The following EFNA5 variants were observed in gnomAD, a reference collection of about 807,000 sequenced individuals.
EFNA5 encodes the protein ephrin A5.
Under a neutral mutation model 22.9 loss-of-function variants are expected in EFNA5, and 5 were observed. That is an observed-to-expected ratio of 0.22 (90% CI 0.11 to 0.46). The LOEUF is 0.46. Among genes scored for constraint, EFNA5 ranks in the 20% least tolerant of loss-of-function variants. The pLI is 0.99. For missense variants in EFNA5, 237 were observed against 293.3 expected (o/e 0.81, Z 1.40); for synonymous variants, 113 against 112.2 (o/e 1.01, Z -0.04).
At chr5:107,505,240 A>G (rs911207931) in intron 1 of EFNA5, among the ~76,000 whole-genome samples, 3 of 152,204 alleles carry the variant, frequency 2.0e-5, no homozygotes, top group African/African-American at 4.8e-5. Flanking sequence ...TCATTATATG[A>G]ATGGCAATTT....
At position 107,495,252 on chromosome 5, in the gene EFNA5, A is replaced by T. The variant is rs529374901; in HGVS notation, c.126-67743T>A. On this transcript the variant is annotated intron_variant, in intron 1 of 4. Transcript: ENST00000333274. ...GATCTGCGGCTCCACTCCTGAAGTC[A>T]GCGGGACCAGGAGCCCACCGGGAGG... 4.3e-4 allele frequency among the ~76,000 whole-genome samples: 65 copies of T among 152,224 alleles called. 1 individual carries two copies. In the South Asian group the frequency reaches 6.4e-3, roughly 15 times the overall value.
At chr5:107,472,067 G>A (rs1197616076) in intron 1 of EFNA5, among the ~76,000 whole-genome samples, 1 of 152,124 alleles carries the variant, frequency 6.6e-6, no homozygotes, top group Non-Finnish European at 1.5e-5. Context: ...GAAAACACAT[G>A]CACAAAGCCA....
chr5:107,515,441 C>CA (rs1359156246), intron 1 of EFNA5, among the ~76,000 whole-genome samples: 2 of 149,380 alleles, frequency 1.3e-5, no homozygotes, highest in Non-Finnish European at 3.0e-5. Flanking sequence ...TGCAGTGGCA[C>CA]AATCTCGGCT....
chr5:107,498,640 C>T (rs1363554818), intron 1 of EFNA5, among the ~76,000 whole-genome samples: 1 of 152,130 alleles, frequency 6.6e-6, no homozygotes, highest in African/African-American at 2.4e-5. Flanking sequence ...AGATAAAATT[C>T]AGAATTTTGA....
At chr5:107,634,857 G>A (rs2043797206) in intron 1 of EFNA5, among the ~76,000 whole-genome samples, 1 of 152,132 alleles carries the variant, frequency 6.6e-6, no homozygotes, top group South Asian at 2.1e-4. Context: ...ATATACAAGA[G>A]TGAAAGGGAA....
chr5:107,623,377 A>C (rs2112530452), intron 1 of EFNA5, among the ~76,000 whole-genome samples: 1 of 152,306 alleles, frequency 6.6e-6, no homozygotes, highest in South Asian at 2.1e-4. Context: ...ATATATGAGA[A>C]GAAGCACCAA....
At chr5:107,411,575 T>G (rs1252404107) in intron 2 of EFNA5, among the ~76,000 whole-genome samples, 1 of 152,228 alleles carries the variant, frequency 6.6e-6, no homozygotes, top group African/African-American at 2.4e-5. Flanking sequence ...TCCCCACCAC[T>G]GTCTTGGTTC....
chr5:107,592,033 TATTATATATATTATAC>T lies in EFNA5; in HGVS notation c.125+78440_125+78455del, dbSNP rs1488737407. On this transcript the variant is annotated intron_variant, in intron 1 of 4. Coordinates refer to ENST00000333274, the MANE Select transcript of EFNA5 (RefSeq NM_001962.3). Reference sequence around the variant, plus strand: ...TATATATAATATAATATATATTATATATTATATATATTATACATTAAACATATATTTATAATAATAA... The same window carrying T: ...TATATATAATATAATATATATTATATATTAAACATATATTTATAATAATAA... Among the ~76,000 whole-genome samples, 8 of 92,956 alleles carry T rather than the reference TATTATATATATTATAC, an allele frequency of 8.6e-5. 1 individual carries two copies. Among genetic ancestry groups the T allele is most frequent in the African/African-American group, 3.9e-4 (8 of 20,568 alleles). 61.0% of individuals were successfully genotyped at this position (92,956 alleles called of 152,430 possible).
rs1645027 is a variant in EFNA5, at chr5:107,558,511, G to A, written c.125+111978C>T. The stretch of plus-strand genomic sequence containing the variant: ...TATATTTCTCTTCCAAAACTTCTAT[G>A]AGAGTCAATATAATTCCTATTATAC... On this transcript the variant is annotated intron_variant, in intron 1 of 4. Transcript: ENST00000333274. 7.0e-3 allele frequency among the ~76,000 whole-genome samples: 1,069 copies of A among 152,230 alleles called. 9 individuals carry two copies. The highest frequency in any genetic ancestry group is 0.025 in the African/African-American group (1,032 of 41,530).
intron 1 of EFNA5, among the ~76,000 whole-genome samples, chr5:107,477,847 T>C (rs371868006): frequency 1.3e-5 from 2 of 152,300 alleles, no homozygotes; most frequent in Admixed American, 6.5e-5. Context: ...TGCAAATCAA[T>C]ATACCCTAAA....
chr5:107,423,358 T>A (rs181249263), intron 2 of EFNA5, among the ~76,000 whole-genome samples: 1,994 of 151,756 alleles, frequency 0.013, 25 homozygotes, highest in Non-Finnish European at 0.019. Context: ...ATTAGGTTAA[T>A]ATTTAAGAGT....
chr5:107,634,897 T>C (rs966122025), intron 1 of EFNA5, among the ~76,000 whole-genome samples: 1 of 152,164 alleles, frequency 6.6e-6, no homozygotes, highest in Admixed American at 6.5e-5. Context: ...AGTAAGGATG[T>C]TGACAAATCA....
chr5:107,402,545 T>C (rs531465125), intron 2 of EFNA5, among the ~76,000 whole-genome samples: 26 of 152,342 alleles, frequency 1.7e-4, no homozygotes, highest in African/African-American at 6.0e-4. Context: ...TTATTTATCA[T>C]GCCACAAGAA....
At chr5:107,498,900 C>T (rs1421841536) in intron 1 of EFNA5, among the ~76,000 whole-genome samples, 3 of 152,104 alleles carry the variant, frequency 2.0e-5, no homozygotes, top group South Asian at 2.1e-4. Context: ...ATTACCTGTT[C>T]ATATAGTTTC....
intron 1 of EFNA5, among the ~76,000 whole-genome samples, chr5:107,584,938 C>T (rs886557322): frequency 2.0e-5 from 3 of 152,136 alleles, no homozygotes; most frequent in Admixed American, 6.5e-5. Context: ...GTGGTCACAA[C>T]GTAGCAAGTC....
intron 1 of EFNA5, among the ~76,000 whole-genome samples, chr5:107,622,487 G>T (rs958619764): frequency 6.6e-6 from 1 of 152,074 alleles, no homozygotes; most frequent in East Asian, 1.9e-4. Flanking sequence ...ATATTATTTA[G>T]TATCTTATTC....
At chr5:107,567,339 T>G (rs1748682853) in intron 1 of EFNA5, among the ~76,000 whole-genome samples, 2 of 152,198 alleles carry the variant, frequency 1.3e-5, no homozygotes, top group Non-Finnish European at 2.9e-5. Context: ...TGAGAGGGCT[T>G]GCAAGGAATA....
At chr5:107,605,408 A>C (rs747116944) in intron 1 of EFNA5, among the ~76,000 whole-genome samples, 2 of 152,160 alleles carry the variant, frequency 1.3e-5, no homozygotes, top group Non-Finnish European at 2.9e-5. Context: ...TTATCTAAAC[A>C]CATGAATACA....
chr5:107,458,653 G>A (rs1749756262), intron 1 of EFNA5, among the ~76,000 whole-genome samples: 1 of 152,094 alleles, frequency 6.6e-6, no homozygotes, highest in African/African-American at 2.4e-5. Flanking sequence ...AGAAAACAGA[G>A]TGCTGAAAAC....
Sources: gnomAD v4.1 joint callset for allele counts (sites outside exome capture counted in the v4.1 genomes callset) on GRCh38, gnomAD v4.1.1 for gene constraint, MANE v1.5 for transcripts, NCBI Gene and HGNC (gene_info 2026-07-23, HGNC 2026-07-21) for gene names.